RP1: variants seen among roughly 807,000 people sequenced by gnomAD.
RP1 encodes oxygen-regulated protein 1.
In RP1, 16 loss-of-function variants were observed where a neutral mutation model predicts 14.8. That is an observed-to-expected ratio of 1.08 (90% CI 0.73 to 1.65). The LOEUF (loss-of-function observed/expected upper bound fraction) is 1.65. Ranked by LOEUF, RP1 falls within the 40% of genes most tolerant of loss-of-function variation. The pLI, the probability that RP1 is intolerant of heterozygous loss-of-function variation, is 0.00. For synonymous variants in RP1, 876 were observed against 883.6 expected (o/e 0.99, Z 0.15); for missense variants, 2,631 against 2,535.0 (o/e 1.04, Z -0.81).
At chr8:54,621,668 G>A in intron 2 of RP1, 87 bp downstream of exon 2, 1 of 1,591,852 alleles carries the variant, frequency 6.3e-7, no homozygotes, top group Non-Finnish European at 8.6e-7. Flanking sequence ...GGTGGCCCCC[G>A]GGAAGGAAAT....
At chr8:54,702,953 G>T (rs1319879480) in intron 14 of RP1, among the ~76,000 whole-genome samples, 1 of 152,162 alleles carries the variant, frequency 6.6e-6, no homozygotes, top group Non-Finnish European at 1.5e-5. Context: ...CAGCAATTCA[G>T]TCACAACTTC....
chr8:54,859,496 G>A (rs1030319187), intron 27 of RP1, among the ~76,000 whole-genome samples: 1 of 151,406 alleles, frequency 6.6e-6, no homozygotes, highest in Non-Finnish European at 1.5e-5. Context: ...TCACTATGGA[G>A]TGGTATCAGT....
At chr8:54,844,673 T>C (rs1047349751) in intron 25 of RP1, among the ~76,000 whole-genome samples, 3 of 152,236 alleles carry the variant, frequency 2.0e-5, no homozygotes, top group Non-Finnish European at 2.9e-5. Context: ...TAAAGTCCCA[T>C]AGATCGTTTC....
At chr8:54,583,328 C>A (rs1186772692) in intron 1 of RP1, among the ~76,000 whole-genome samples, 1 of 152,122 alleles carries the variant, frequency 6.6e-6, no homozygotes, top group Admixed American at 6.5e-5. Flanking sequence ...GTTGAACCAC[C>A]CTTGCATCCC....
rs372895901 is a variant in RP1 at position 54,626,486 on chromosome 8, C to T, written c.2604C>T (p.Ser868=). The T allele has an allele frequency of 1.7e-5, 27 of 1,613,412 alleles. No individual in the cohort carries two copies. The highest frequency in any genetic ancestry group is 4.0e-5 in the African/African-American group (3 of 74,786). Residue 868 remains serine (S), a synonymous_variant, in exon 4 of 4, where the codon AGC becomes AGT. Transcript: ENST00000220676. The stretch of plus-strand genomic sequence containing the variant: ...CTGATTCACACATAACTTTAAAAAG[C>T]CAGAAAAAACGTAAAGGGGATAAAG... ...KVTDSHITLK[S]QKKRKGDKVK...
intron 12 of RP1, chr8:54,696,634 A>C (rs1373302699): frequency 1.2e-6 from 1 of 825,664 alleles, no homozygotes; most frequent in African/African-American, 1.7e-5. Flanking sequence ...CTCATGCCTT[A>C]GAATTGCCAG....
intron 1 of RP1, among the ~76,000 whole-genome samples, chr8:54,598,282 T>G (rs1189865971): frequency 2.0e-5 from 3 of 152,196 alleles, no homozygotes; most frequent in African/African-American, 7.2e-5. Context: ...CTATATTGTT[T>G]GTAAGCATAT....
chr8:54,780,992 A>G, intron 23 of RP1: 1 of 979,368 alleles, frequency 1.0e-6, no homozygotes, highest in Non-Finnish European at 1.2e-6. Flanking sequence ...CGAATTTATT[A>G]AGGAATATTT....
rs189557834 is a variant in RP1 at position 54,621,684 on chromosome 8, T to C, written c.615+103T>C. 4.8e-5 allele frequency: 73 copies of C among 1,533,030 alleles called. No homozygotes were observed. The African/African-American group carries it at 8.3e-4, about 17-fold the overall frequency. 95.0% of individuals were successfully genotyped at this position (1,533,030 alleles called of 1,614,324 possible). On this transcript the variant is annotated intron_variant, in intron 2 of 3. Coordinates refer to ENST00000220676, the MANE Select transcript of RP1 (RefSeq NM_006269.2). ...GTGGCCCCCGGGAAGGAAATCTTCCTTCCTCCCTGCCTGTGTATGTGAGTG... is the reference window on the plus strand; with the variant it reads ...GTGGCCCCCGGGAAGGAAATCTTCCCTCCTCCCTGCCTGTGTATGTGAGTG...
rs190308865 is a variant in RP1 at position 54,861,594 on chromosome 8, T to A, written c.4070-4241T>A. Among the ~76,000 whole-genome samples the A allele has an allele frequency of 2.6e-4, 39 of 152,338 alleles. 1 individual carries two copies. Among genetic ancestry groups the A allele is most frequent in the African/African-American group, 8.7e-4 (36 of 41,594 alleles). On this transcript the variant is annotated intron_variant, in intron 27 of 28. Coordinates refer to the RP1 transcript ENST00000637698. ...TACAAACAAGCTGAAATAAACATTC[T>A]TTTTTTCTTTTCTTTTCTTTTTTTT...
chr8:54,587,442 A>AAG (rs929946382), intron 1 of RP1, among the ~76,000 whole-genome samples: 11 of 151,414 alleles, frequency 7.3e-5, no homozygotes, highest in Admixed American at 2.6e-4. Context: ...AAAAAAAAAA[A>AAG]AGAGAGAGAG....
At chr8:54,774,311 A>G (rs1409309768), downstream of RP1, among the ~76,000 whole-genome samples, 2 of 152,154 alleles carry the variant, frequency 1.3e-5, no homozygotes, top group Non-Finnish European at 2.9e-5. Context: ...AGTGTGCATA[A>G]TTTGTGAAGC....
intron 1 of RP1, among the ~76,000 whole-genome samples, chr8:54,575,338 A>C (rs1326392314): frequency 6.6e-6 from 1 of 152,242 alleles, no homozygotes; most frequent in Non-Finnish European, 1.5e-5. Flanking sequence ...AGTGCACTTG[A>C]TAACTGGAAG....
chr8:54,637,951 C>G (rs112658709), intron 3 of RP1, among the ~76,000 whole-genome samples: 1 of 152,172 alleles, frequency 6.6e-6, no homozygotes, highest in Non-Finnish European at 1.5e-5. Context: ...TGGGGAAGTC[C>G]CTTCCCAACT....
chr8:54,815,714 G>A (rs1014132331), intron 24 of RP1, among the ~76,000 whole-genome samples: 35 of 152,120 alleles, frequency 2.3e-4, no homozygotes, highest in Non-Finnish European at 1.5e-4. Context: ...TGGTGTTTGT[G>A]TGTGTGCAGA....
rs879613208 is a variant in RP1, at chr8:54,713,078, CT to C, written c.2211+6435del. ...AGTCCTGGTAGCTACTCAAGAAATG[CT>C]TTTTTTTTTTTGTACTAAATTGAAT... is the stretch of plus-strand genomic sequence containing the variant. On this transcript the variant is annotated intron_variant, in intron 15 of 22. Transcript: ENST00000636932. 4.4e-3 allele frequency among the ~76,000 whole-genome samples: 626 copies of C among 142,448 alleles called. 2 individuals carry two copies. Among genetic ancestry groups the C allele is most frequent in the African/African-American group, 7.7e-3 (303 of 39,122 alleles). The allele number at this position is 142,448 out of a possible 152,430, so 93.5% of individuals were successfully genotyped here.
chr8:54,832,507 C>T (rs1342878244), intron 24 of RP1, among the ~76,000 whole-genome samples: 1 of 151,732 alleles, frequency 6.6e-6, no homozygotes, highest in East Asian at 1.9e-4. Context: ...ATGCTTATCT[C>T]TTTACTCATT....
chr8:54,653,478 G>A (rs947026333), intron 5 of RP1, among the ~76,000 whole-genome samples: 2 of 152,058 alleles, frequency 1.3e-5, no homozygotes, highest in African/African-American at 4.8e-5. Flanking sequence ...AACTAAACAA[G>A]TTCTCAAAAT....
intron 14 of RP1, among the ~76,000 whole-genome samples, chr8:54,704,552 A>G (rs1262829530): frequency 6.6e-6 from 1 of 152,240 alleles, no homozygotes; most frequent in African/African-American, 2.4e-5. Context: ...GCACAGAGAC[A>G]TGAAGTGAAC....
Sources: allele counts gnomAD v4.1 joint callset (sites outside exome capture counted in the v4.1 genomes callset), GRCh38; gene constraint gnomAD v4.1.1; transcripts MANE v1.5; gene names NCBI Gene and HGNC (gene_info 2026-07-23, HGNC 2026-07-21).